PTK2B: variants seen among roughly 807,000 people sequenced by gnomAD.
PTK2B encodes the protein protein-tyrosine kinase 2-beta.
Under a neutral mutation model 142.9 loss-of-function variants are expected in PTK2B, and 71 were observed. That is an observed-to-expected ratio of 0.50 (90% CI 0.41 to 0.61). PTK2B has a LOEUF of 0.61. Among genes scored for constraint, PTK2B ranks in the 20% least tolerant of loss-of-function variants. The pLI is 0.00. For synonymous variants in PTK2B, 519 were observed against 503.4 expected (o/e 1.03, Z -0.42); for missense variants, 1,105 against 1,320.4 (o/e 0.84, Z 2.53).
chr8:27,315,880 A>G (rs943128935), intron 3 of PTK2B, among the ~76,000 whole-genome samples: 117 of 151,866 alleles, frequency 7.7e-4, no homozygotes, highest in African/African-American at 2.6e-3. Context: ...GATGGAACTA[A>G]TTGCTCCAAG....
chr8:27,389,590 C>T (rs574597936), intron 1 of PTK2B, among the ~76,000 whole-genome samples: 1 of 152,198 alleles, frequency 6.6e-6, no homozygotes, highest in East Asian at 1.9e-4. Context: ...CTGGCAGGAG[C>T]TGGCAACAGG....
chr8:27,311,446 G>C (rs1455701510), upstream of PTK2B: 1 of 620,788 alleles, frequency 1.6e-6, no homozygotes, highest in Non-Finnish European at 2.7e-6. Flanking sequence ...CGGTGTGCGC[G>C]GGAAATCTTG....
chr8:27,391,373 A>G (rs953613137), intron 1 of PTK2B, among the ~76,000 whole-genome samples: 1 of 152,210 alleles, frequency 6.6e-6, no homozygotes, highest in African/African-American at 2.4e-5. Context: ...CTAGGATTAC[A>G]GTCGTGAGCC....
Position 27,445,992 on chromosome 8 carries a change from G to A in PTK2B, c.2340+73G>A, listed in dbSNP as rs1229812634. The A allele has an allele frequency of 4.4e-6, 7 of 1,588,386 alleles. No homozygotes were observed. In the East Asian group the frequency reaches 1.6e-4, roughly 36 times the overall value. On this transcript the variant is annotated intron_variant, in intron 24 of 30. Coordinates refer to ENST00000346049, the MANE Select transcript of PTK2B (RefSeq NM_173176.3). ...TGGAGGGAGGTGGCCGGGGACACTG[G>A]AAACCCCACGTCCTCAGCTCAGGAG... is the stretch of plus-strand genomic sequence containing the variant.
intron 1 of PTK2B, among the ~76,000 whole-genome samples, chr8:27,385,579 T>C (rs138968789): frequency 6.0e-4 from 91 of 152,184 alleles, no homozygotes; most frequent in African/African-American, 2.1e-3. Context: ...CTGTGGGCCA[T>C]GTGGAGAGTA....
intron 1 of PTK2B, among the ~76,000 whole-genome samples, chr8:27,382,765 G>T (rs777443031): frequency 2.0e-5 from 3 of 152,062 alleles, no homozygotes; most frequent in African/African-American, 7.2e-5. Context: ...TCATTCTTCT[G>T]CATATGGTTA....
intron 21 of PTK2B, 142 bp from the exon 22 acceptor site, chr8:27,442,731 ACT>A (rs1811229961): frequency 1.6e-6 from 1 of 639,542 alleles, no homozygotes; most frequent in Non-Finnish European, 2.7e-6. Context: ...TCCCCAGGAC[ACT>A]CTGCAGTGAA....
chr8:27,323,299 A>G (rs970216757), upstream of PTK2B: 4 of 152,282 alleles, frequency 2.6e-5, no homozygotes, highest in Non-Finnish European at 4.4e-5. Flanking sequence ...TTGAAGAGCA[A>G]TATGAGCCAG....
intron 5 of PTK2B, among the ~76,000 whole-genome samples, chr8:27,424,196 T>C (rs1018550088): frequency 3.9e-5 from 6 of 152,130 alleles, no homozygotes; most frequent in African/African-American, 1.4e-4. Flanking sequence ...ACCTATCACT[T>C]GTCACCTGTC....
chr8:27,350,925 G>A (rs1482687411), intron 1 of PTK2B, among the ~76,000 whole-genome samples: 60 of 133,678 alleles, frequency 4.5e-4, no homozygotes, highest in African/African-American at 1.5e-3. Flanking sequence ...GCAGTGAGCC[G>A]AGATCACACC....
chr8:27,453,690 G>A (rs1192142432), intron 28 of PTK2B, among the ~76,000 whole-genome samples: 1 of 152,068 alleles, frequency 6.6e-6, no homozygotes, highest in East Asian at 1.9e-4. Flanking sequence ...GACCAGCCTG[G>A]GCAATATAGC....
chr8:27,345,173 G>A (rs1037851726), intron 1 of PTK2B, among the ~76,000 whole-genome samples: 1 of 152,156 alleles, frequency 6.6e-6, no homozygotes, highest in Non-Finnish European at 1.5e-5. Flanking sequence ...AAAGGGTTAG[G>A]GAGAGGGTCA....
chr8:27,322,416 A>G (rs1803239663), upstream of PTK2B: 1 of 152,180 alleles, frequency 6.6e-6, no homozygotes, highest in Admixed American at 6.5e-5. Context: ...AGGACTAGCA[A>G]CTTCATAGAC....
intron 1 of PTK2B, among the ~76,000 whole-genome samples, chr8:27,392,562 G>A (rs1272588552): frequency 6.6e-6 from 1 of 152,118 alleles, no homozygotes; most frequent in Non-Finnish European, 1.5e-5. Context: ...ATGAGGCTGG[G>A]ATAGGTAAAG....
At chr8:27,417,206 C>T (rs550500825) in intron 2 of PTK2B, among the ~76,000 whole-genome samples, 15 of 152,168 alleles carry the variant, frequency 9.9e-5, no homozygotes, top group African/African-American at 3.1e-4. Flanking sequence ...AGCAGAAGAC[C>T]AAATCAACAT....
intron 12 of PTK2B, among the ~76,000 whole-genome samples, 179 bp downstream of exon 12, chr8:27,434,311 A>G (rs552240468): frequency 1.4e-4 from 21 of 152,296 alleles, no homozygotes; most frequent in Non-Finnish European, 2.5e-4. Context: ...CTATGCCTTC[A>G]TGCCACCTGG....
chr8:27,311,565 G>T, exon 1 of PTK2B: 1 of 376,812 alleles, frequency 2.7e-6, no homozygotes, highest in East Asian at 4.5e-5. Context: ...TAGGGCTTCC[G>T]TGTTACTGGA....
rs541586524 is a variant in PTK2B at position 27,436,989 on chromosome 8, G to A, written c.1342-133G>A. 3.8e-6 allele frequency: 3 copies of A among 781,856 alleles called. No individual in the cohort carries two copies. In the Admixed American group the frequency reaches 5.7e-5, roughly 15 times the overall value. 48.4% of individuals were successfully genotyped at this position (781,856 alleles called of 1,614,324 possible). A position where few individuals can be genotyped will look rare whatever the true frequency, so the allele number is the denominator to read the frequency against. On this transcript the variant is annotated intron_variant, in intron 15 of 30. Transcript: ENST00000346049. Reference sequence around the variant, plus strand: ...GGAGAAGAGAGGAAGACAAAGGGGAGAAGAAGAGAGACATAGGAGAAAGGG... The same window carrying A: ...GGAGAAGAGAGGAAGACAAAGGGGAAAAGAAGAGAGACATAGGAGAAAGGG...
At chr8:27,365,651 A>G (rs1307443072) in intron 1 of PTK2B, among the ~76,000 whole-genome samples, 2 of 149,982 alleles carry the variant, frequency 1.3e-5, no homozygotes, top group Admixed American at 6.6e-5. Flanking sequence ...GATAATACCA[A>G]CTTCGTTTTG....
Sources: allele counts gnomAD v4.1 joint callset (sites outside exome capture counted in the v4.1 genomes callset), GRCh38; gene constraint gnomAD v4.1.1; transcripts MANE v1.5; gene names NCBI Gene and HGNC (gene_info 2026-07-23, HGNC 2026-07-21).